STYX: variants seen among roughly 807,000 people sequenced by gnomAD.
STYX encodes the protein serine/threonine/tyrosine interacting protein.
Under a neutral mutation model 42.7 loss-of-function variants are expected in STYX, and 20 were observed. The ratio of observed to expected loss-of-function variants is 0.47; its 90% CI spans 0.33 to 0.68. The LOEUF is 0.68. Among genes scored for constraint, STYX ranks in the 30% least tolerant of loss-of-function variants. The pLI is 0.02. For synonymous variants in STYX, 78 were observed against 81.9 expected (o/e 0.95, Z 0.26); for missense variants, 226 against 268.5 (o/e 0.84, Z 1.11).
chr14:52,756,095 C>CTA (rs1416511026), intron 4 of STYX, among the ~76,000 whole-genome samples: 12 of 152,154 alleles, frequency 7.9e-5, no homozygotes, highest in Admixed American at 3.9e-4. Flanking sequence ...TCACAGCTTA[C>CTA]TATATCCTTG....
intron 4 of STYX, among the ~76,000 whole-genome samples, chr14:52,755,109 GTTTGTTTTTTTGTTTTTTTTTT>G (rs1277189107): frequency 1.6e-4 from 21 of 135,212 alleles, no homozygotes; most frequent in African/African-American, 5.7e-4. Flanking sequence ...GTTTTTTTTT[GTTTGTTTTTTTGTTTTTTTTTT>G]TTTGTTTTTG....
At chr14:52,741,593 C>A (rs1448626133) in intron 1 of STYX, among the ~76,000 whole-genome samples, 1 of 152,130 alleles carries the variant, frequency 6.6e-6, no homozygotes, top group East Asian at 1.9e-4. Context: ...GTGCCACCTC[C>A]ATGCCTGGCT....
intron 4 of STYX, among the ~76,000 whole-genome samples, chr14:52,755,156 T>G (rs1312250918): frequency 6.6e-6 from 1 of 150,938 alleles, no homozygotes; most frequent in Non-Finnish European, 1.5e-5. Flanking sequence ...AGAGTCTTGC[T>G]GTTTCACCCA....
chr14:52,758,305 A>G (rs1413295896), intron 8 of STYX, among the ~76,000 whole-genome samples: 1 of 152,218 alleles, frequency 6.6e-6, no homozygotes, highest in Non-Finnish European at 1.5e-5. Context: ...AATTCAGAGT[A>G]GTCTTTCTTA....
rs1882643735 is a variant in STYX, at chr14:52,774,520, T to C, written c.*3414T>C. ...CGATAAGGGAATGCTAGAAAATAGA[T>C]GAGAAGTACTGAAAGACCTTTTTTT... On this transcript the variant is annotated 3_prime_UTR_variant, in exon 11 of 11. Transcript: ENST00000354586. The C allele has an allele frequency of 6.7e-6, 1 of 149,276 alleles. No individual in the cohort carries two copies. The highest frequency in any genetic ancestry group is 2.1e-4 in the South Asian group (1 of 4,782). 9.2% of individuals were successfully genotyped at this position (149,276 alleles called of 1,614,324 possible). A position where few individuals can be genotyped will look rare whatever the true frequency, so the allele number is the denominator to read the frequency against.
chr14:52,752,427 T>C (rs955734035), intron 4 of STYX, among the ~76,000 whole-genome samples: 1 of 151,966 alleles, frequency 6.6e-6, no homozygotes, highest in Non-Finnish European at 1.5e-5. Context: ...ATTGCCCCAC[T>C]GCACTCCAGC....
At chr14:52,765,440 C>G (rs1040578836) in intron 9 of STYX, among the ~76,000 whole-genome samples, 1 of 152,184 alleles carries the variant, frequency 6.6e-6, no homozygotes, top group Non-Finnish European at 1.5e-5. Flanking sequence ...TGGTCTCAAA[C>G]TTCCGACCTC....
chr14:52,763,643 T>C (rs1311401355), intron 9 of STYX, among the ~76,000 whole-genome samples: 1 of 152,174 alleles, frequency 6.6e-6, no homozygotes, highest in Non-Finnish European at 1.5e-5. Context: ...TTTTAAATTT[T>C]TTATTTTTGT....
chr14:52,757,762 A>G lies in STYX; in HGVS notation c.360A>G (p.Gly120=), dbSNP rs893753961. The change falls in exon 7 of 11, where the codon GGA becomes GGG. Residue 120 remains glycine (G), a synonymous_variant. Transcript: ENST00000354586. ...TTTCAGGAAAAGTTCTTGTGCATGG[A>G]AATGCAGGGATCTCCAGAAGGTATG... is the stretch of plus-strand genomic sequence containing the variant. The part of the protein sequence containing the change: ...LQMGGKVLVH[G]NAGISRSAAF... 4.3e-6 allele frequency: 7 copies of G among 1,613,466 alleles called. No individual in the cohort carries two copies. The highest frequency in any genetic ancestry group is 5.9e-6 in the Non-Finnish European group (7 of 1,179,776).
intron 9 of STYX, among the ~76,000 whole-genome samples, 175 bp downstream of exon 9, chr14:52,759,929 G>A (rs1882026437): frequency 6.6e-6 from 1 of 152,036 alleles, no homozygotes; most frequent in African/African-American, 2.4e-5. Context: ...TGGGTGTGGT[G>A]GCTTATACCT....
At chr14:52,759,960 G>A (rs1457009012) in intron 9 of STYX, among the ~76,000 whole-genome samples, 1 of 152,090 alleles carries the variant, frequency 6.6e-6, no homozygotes, top group Non-Finnish European at 1.5e-5. Context: ...CACTTTGGGA[G>A]AACAAGGCAT....
rs58454717 is a variant in STYX, at chr14:52,739,632, C to CTTTTTTTTTTT, written c.58-5207_58-5197dup. Reference sequence around the variant, plus strand: ...AAACTGTTTTCTTTTTCCTTTCTTTCTTTTTTTTTTTTTTTTTTTTTTTCG... The same window carrying CTTTTTTTTTTT: ...AAACTGTTTTCTTTTTCCTTTCTTTCTTTTTTTTTTTTTTTTTTTTTTTTTTTTTTTTTTCG... On this transcript the variant is annotated intron_variant, in intron 1 of 10. Coordinates refer to ENST00000354586, the MANE Select transcript of STYX (RefSeq NM_145251.4). 6.3e-3 allele frequency among the ~76,000 whole-genome samples: 416 copies of CTTTTTTTTTTT among 65,742 alleles called. 5 individuals carry two copies. Among genetic ancestry groups the CTTTTTTTTTTT allele is most frequent in the Non-Finnish European group, 7.7e-3 (284 of 36,952 alleles). 43.1% of individuals were successfully genotyped at this position (65,742 alleles called of 152,430 possible). A position where few individuals can be genotyped will look rare whatever the true frequency, so the allele number is the denominator to read the frequency against.
At chr14:52,735,819 T>C (rs1262230186) in intron 1 of STYX, among the ~76,000 whole-genome samples, 1 of 152,240 alleles carries the variant, frequency 6.6e-6, no homozygotes, top group Admixed American at 6.5e-5. Flanking sequence ...ACAAGAATAT[T>C]ACTTTCACGT....
At chr14:52,738,931 AC>A (rs559372164) in intron 1 of STYX, among the ~76,000 whole-genome samples, 3 of 149,946 alleles carry the variant, frequency 2.0e-5, no homozygotes. Context: ...GTATACCTCT[AC>A]CCCCATGCTA....
chr14:52,758,047 T>G (rs1881944834), intron 8 of STYX, 123 bp downstream of exon 8: 1 of 1,052,824 alleles, frequency 9.5e-7, no homozygotes, highest in African/African-American at 1.6e-5. Context: ...TCATGTTTGA[T>G]TAGGCAGGCC....
intron 1 of STYX, among the ~76,000 whole-genome samples, chr14:52,740,320 C>T (rs1351271666): frequency 6.6e-6 from 1 of 152,144 alleles, no homozygotes; most frequent in African/African-American, 2.4e-5. Context: ...ATTACATTTC[C>T]CTCATTGCTG....
chr14:52,760,417 TG>T (rs1162828076), intron 9 of STYX, among the ~76,000 whole-genome samples: 1 of 152,170 alleles, frequency 6.6e-6, no homozygotes, highest in Non-Finnish European at 1.5e-5. Context: ...TTTTCCATGT[TG>T]TTTCATATTT....
intron 1 of STYX, among the ~76,000 whole-genome samples, chr14:52,736,502 ATCTTC>A (rs1302331086): frequency 2.0e-5 from 3 of 152,298 alleles, no homozygotes; most frequent in African/African-American, 7.2e-5. Flanking sequence ...TTAATGTTTT[ATCTTC>A]TCTTCTGACA....
At chr14:52,757,993 T>G (rs994104861) in intron 8 of STYX, 69 bp downstream of exon 8, 145 of 1,540,846 alleles carry the variant, frequency 9.4e-5, no homozygotes, top group Middle Eastern at 7.1e-4. Flanking sequence ...TGGGAATAGT[T>G]TGGAAGTTTG....
Sources: gnomAD v4.1 joint callset for allele counts (sites outside exome capture counted in the v4.1 genomes callset) on GRCh38, gnomAD v4.1.1 for gene constraint, MANE v1.5 for transcripts, NCBI Gene and HGNC (gene_info 2026-07-23, HGNC 2026-07-21) for gene names.